PLCB1: variants seen among roughly 807,000 people sequenced by gnomAD.
PLCB1 encodes 1-phosphatidylinositol 4,5-bisphosphate phosphodiesterase beta-1.
In PLCB1, 46 loss-of-function variants were observed where a neutral mutation model predicts 161.8. The ratio of observed to expected loss-of-function variants is 0.28; its 90% CI spans 0.22 to 0.36. The LOEUF (loss-of-function observed/expected upper bound fraction) is 0.36, where lower values mean the gene tolerates loss of function less well. Ranked by LOEUF, PLCB1 falls within the 10% of genes least tolerant of loss-of-function variation. The probability of loss-of-function intolerance (pLI) is 1.00; values close to 1 mark genes in which losing one functional copy is unlikely to be tolerated. For synonymous variants in PLCB1, 517 were observed against 503.7 expected (o/e 1.03, Z -0.35); for missense variants, 1,016 against 1,472.5 (o/e 0.69, Z 5.07).
At chr20:8,458,893 T>C (rs1265670220) in intron 3 of PLCB1, among the ~76,000 whole-genome samples, 1 of 152,198 alleles carries the variant, frequency 6.6e-6, no homozygotes, top group Non-Finnish European at 1.5e-5. Context: ...TAAAATACTC[T>C]AATAACATGG....
At chr20:8,334,817 C>T (rs539330552) in intron 2 of PLCB1, among the ~76,000 whole-genome samples, 1 of 152,224 alleles carries the variant, frequency 6.6e-6, no homozygotes, top group South Asian at 2.1e-4. Flanking sequence ...AGTCTATGAC[C>T]CAGACCTACC....
intron 3 of PLCB1, among the ~76,000 whole-genome samples, chr20:8,588,021 G>A (rs901331387): frequency 2.0e-5 from 3 of 152,220 alleles, no homozygotes; most frequent in South Asian, 2.1e-4. Flanking sequence ...GACGTGTATC[G>A]AAACTGTCAC....
At chr20:8,812,784 C>CA (rs1447463379) in intron 31 of PLCB1, among the ~76,000 whole-genome samples, 7 of 152,008 alleles carry the variant, frequency 4.6e-5, no homozygotes, top group Non-Finnish European at 5.9e-5. Context: ...CTGACTCATG[C>CA]AAAAAAACGT....
Position 8,727,326 on chromosome 20 carries a change from G to A in PLCB1, c.1696G>A (p.Glu566Lys). Residue 566 changes from glutamate to lysine, a missense_variant, in exon 17 of 32, where the codon GAA (glutamate) becomes AAA (lysine). By Grantham distance (56) the Glu-to-Lys change is moderately conservative. Coordinates refer to ENST00000338037, the MANE Select transcript of PLCB1 (RefSeq NM_015192.4). ...EISKKRNKSFEMSSFVETKGL... is the reference protein window; with the variant it reads ...EISKKRNKSFKMSSFVETKGL... ...TAACTCAGAAAGAAATAAAAGTTTT[G>A]AAATGTCTTCCTTCGTGGAAACCAA... 2 of 1,597,786 alleles carry A rather than the reference G, an allele frequency of 1.3e-6. No individual in the cohort carries two copies. The highest frequency in any genetic ancestry group is 1.7e-6 in the Non-Finnish European group (2 of 1,167,962).
chr20:8,589,193 A>G (rs1987074468), intron 3 of PLCB1, among the ~76,000 whole-genome samples: 1 of 110,924 alleles, frequency 9.0e-6, no homozygotes, highest in African/African-American at 3.6e-5. Context: ...GACATGAACA[A>G]TGTTTTGAAA....
chr20:8,218,886 A>G (rs1979269983), intron 2 of PLCB1, among the ~76,000 whole-genome samples: 1 of 152,150 alleles, frequency 6.6e-6, no homozygotes, highest in Non-Finnish European at 1.5e-5. Context: ...TCTGAACTAC[A>G]TATAATTCCA....
At chr20:8,689,148 C>G (rs1412549168) in intron 10 of PLCB1, among the ~76,000 whole-genome samples, 6 of 150,718 alleles carry the variant, frequency 4.0e-5, no homozygotes, top group Non-Finnish European at 8.8e-5. Context: ...TCTGCTTGGT[C>G]ACTGTTGGTG....
chr20:8,416,218 C>G (rs1979265128), intron 3 of PLCB1, among the ~76,000 whole-genome samples: 1 of 152,078 alleles, frequency 6.6e-6, no homozygotes, highest in African/African-American at 2.4e-5. Flanking sequence ...AATGAGAAAA[C>G]TTGGTCTGAC....
At chr20:8,531,471 G>A (rs1012118138) in intron 3 of PLCB1, among the ~76,000 whole-genome samples, 2 of 151,990 alleles carry the variant, frequency 1.3e-5, no homozygotes, top group Non-Finnish European at 2.9e-5. Flanking sequence ...GTATATCTTA[G>A]TGTGTGTGTA....
chr20:8,398,441 C>A (rs1273764315), intron 3 of PLCB1, among the ~76,000 whole-genome samples: 1 of 151,998 alleles, frequency 6.6e-6, no homozygotes, highest in Admixed American at 6.6e-5. Flanking sequence ...AAAAACATTA[C>A]CCACAGTTCT....
chr20:8,861,551 GA>G (rs1987253732), intron 31 of PLCB1, among the ~76,000 whole-genome samples: 1 of 152,082 alleles, frequency 6.6e-6, no homozygotes, highest in Admixed American at 6.5e-5. Flanking sequence ...CCAACATGGT[GA>G]AACCCCGTCT....
intron 2 of PLCB1, among the ~76,000 whole-genome samples, chr20:8,315,717 A>ACTTTCAT: frequency 6.6e-6 from 1 of 152,158 alleles, no homozygotes; most frequent in Non-Finnish European, 1.5e-5. Context: ...TCTTGCTTAC[A>ACTTTCAT]TATTTCCTGC....
chr20:8,507,380 A>G (rs1983680298), intron 3 of PLCB1, among the ~76,000 whole-genome samples: 1 of 152,200 alleles, frequency 6.6e-6, no homozygotes. Flanking sequence ...TCATGATTTG[A>G]ACAACAAATT....
chr20:8,469,523 C>T (rs894219858), intron 3 of PLCB1, among the ~76,000 whole-genome samples: 12 of 152,050 alleles, frequency 7.9e-5, no homozygotes, highest in African/African-American at 2.7e-4. Flanking sequence ...GTGCTGTAAC[C>T]ACAGGTTTTT....
At chr20:8,307,204 G>A (rs1372769705) in intron 2 of PLCB1, among the ~76,000 whole-genome samples, 8 of 152,322 alleles carry the variant, frequency 5.3e-5, no homozygotes, top group South Asian at 2.1e-4. Context: ...GTGGGAGTAG[G>A]GGGGTGGGCA....
intron 2 of PLCB1, among the ~76,000 whole-genome samples, chr20:8,181,085 T>C (rs931540689): frequency 6.6e-6 from 1 of 151,560 alleles, no homozygotes; most frequent in Non-Finnish European, 1.5e-5. Context: ...ACCCCGTCTC[T>C]ACTAAAAATA....
At chr20:8,386,763 T>A (rs1600364732) in intron 3 of PLCB1, among the ~76,000 whole-genome samples, 1 of 152,228 alleles carries the variant, frequency 6.6e-6, no homozygotes, top group East Asian at 1.9e-4. Flanking sequence ...GGAAAATCTG[T>A]TGTTTGGTGT....
intron 19 of PLCB1, among the ~76,000 whole-genome samples, chr20:8,735,568 A>G (rs964470590): frequency 6.6e-6 from 1 of 152,214 alleles, no homozygotes; most frequent in Non-Finnish European, 1.5e-5. Context: ...GTGAGCTCAC[A>G]TGATGTTCTA....
intron 2 of PLCB1, among the ~76,000 whole-genome samples, chr20:8,273,410 T>G (rs1300987723): frequency 6.6e-6 from 1 of 152,174 alleles, no homozygotes; most frequent in African/African-American, 2.4e-5. Context: ...GATTGCTATT[T>G]TTACTTCTTT....
Sources: gnomAD v4.1 joint callset for allele counts (sites outside exome capture counted in the v4.1 genomes callset) on GRCh38, gnomAD v4.1.1 for gene constraint, MANE v1.5 for transcripts, NCBI Gene and HGNC (gene_info 2026-07-23, HGNC 2026-07-21) for gene names.